The following PDE11A variants were observed in gnomAD, a reference collection of about 807,000 sequenced individuals.
PDE11A encodes dual 3',5'-cyclic-AMP and -GMP phosphodiesterase 11A.
Under a neutral mutation model 100.5 loss-of-function variants are expected in PDE11A, and 100 were observed. The observed-to-expected ratio is 1.00, with a 90% CI of 0.85 to 1.18. The LOEUF is 1.18. Ranked by LOEUF, PDE11A falls within the 50% of genes most tolerant of loss-of-function variation. The pLI is 0.00. For synonymous variants in PDE11A, 381 were observed against 420.8 expected, an observed-to-expected ratio of 0.91 and a Z score of 1.16; for missense variants, 1,141 against 1,152.6, an observed-to-expected ratio of 0.99 and a Z score of 0.15.
chr2:177,928,694 T>TA (rs1480225817), intron 2 of PDE11A, among the ~76,000 whole-genome samples: 1 of 152,150 alleles, frequency 6.6e-6, no homozygotes, highest in Admixed American at 6.5e-5. Context: ...GAGGACTGCT[T>TA]AAAAAAATTC....
intron 5 of PDE11A, among the ~76,000 whole-genome samples, chr2:177,853,938 G>C (rs555031782): frequency 6.8e-6 from 1 of 146,316 alleles, no homozygotes; most frequent in African/African-American, 2.5e-5. Context: ...ATATATGTGT[G>C]TATATATATC....
chr2:177,895,103 T>A (rs2084589281), intron 4 of PDE11A, among the ~76,000 whole-genome samples: 1 of 151,854 alleles, frequency 6.6e-6, no homozygotes, highest in Non-Finnish European at 1.5e-5. Context: ...CTTGCACATG[T>A]ATACTTGAAC....
chr2:177,686,334 A>G (rs1167397284), intron 15 of PDE11A, among the ~76,000 whole-genome samples: 1 of 152,190 alleles, frequency 6.6e-6, no homozygotes, highest in East Asian at 1.9e-4. Context: ...TGGGGGGCCA[A>G]GGGAGGAGGA....
At chr2:177,792,044 A>C (rs2082640180) in intron 9 of PDE11A, among the ~76,000 whole-genome samples, 1 of 152,230 alleles carries the variant, frequency 6.6e-6, no homozygotes, top group Non-Finnish European at 1.5e-5. Flanking sequence ...AGTGAGATTA[A>C]ATATGGCTCT....
At chr2:177,648,231 A>G (rs1459068504) in intron 19 of PDE11A, among the ~76,000 whole-genome samples, 1 of 152,174 alleles carries the variant, frequency 6.6e-6, no homozygotes, top group East Asian at 1.9e-4. Context: ...TTTGTCCTAG[A>G]AAGGGGCCAG....
chr2:177,655,165 G>A (rs2080362854), intron 19 of PDE11A, among the ~76,000 whole-genome samples: 1 of 152,036 alleles, frequency 6.6e-6, no homozygotes, highest in Admixed American at 6.5e-5. Flanking sequence ...TTGGATTCCA[G>A]CATTTTAATA....
chr2:177,885,513 AT>A lies in PDE11A; in HGVS notation c.1303-9591del, dbSNP rs960987216. ...TAATAGTTTGGGTAATCATCAGAGG[AT>A]TTTTTTTTAAATACTCTCCACTTTG... On this transcript the variant is annotated intron_variant, in intron 4 of 19. Transcript: ENST00000286063. Among the ~76,000 whole-genome samples, 25 of 151,848 alleles carry A rather than the reference AT, an allele frequency of 1.6e-4. 1 individual carries two copies. The highest frequency in any genetic ancestry group is 2.7e-4 in the African/African-American group (11 of 41,392).
intron 12 of PDE11A, among the ~76,000 whole-genome samples, chr2:177,715,805 CTG>C (rs2081428927): frequency 1.3e-5 from 2 of 152,140 alleles, no homozygotes; most frequent in South Asian, 2.1e-4. Flanking sequence ...CTTCTTTTCT[CTG>C]TGTTTGGTGG....
At chr2:177,866,461 T>G (rs1483803433) in intron 5 of PDE11A, among the ~76,000 whole-genome samples, 1 of 152,234 alleles carries the variant, frequency 6.6e-6, no homozygotes, top group Non-Finnish European at 1.5e-5. Context: ...TGTGGTCAAA[T>G]GCTCTCCCCA....
chr2:177,836,660 C>T (rs1198918837), intron 6 of PDE11A, among the ~76,000 whole-genome samples: 1 of 152,244 alleles, frequency 6.6e-6, no homozygotes, highest in South Asian at 2.1e-4. Flanking sequence ...GCTGCTCACT[C>T]TTTGGGTCTG....
At chr2:177,884,218 T>A (rs935245085) in intron 4 of PDE11A, among the ~76,000 whole-genome samples, 2 of 152,212 alleles carry the variant, frequency 1.3e-5, no homozygotes, top group African/African-American at 4.8e-5. Context: ...AATCTCCCTA[T>A]CACTGTTCCA....
intron 1 of PDE11A, among the ~76,000 whole-genome samples, chr2:178,058,401 G>A (rs1254655559): frequency 2.0e-5 from 3 of 152,196 alleles, no homozygotes; most frequent in Non-Finnish European, 4.4e-5. Context: ...TCATGATAGT[G>A]AATGAGTCTT....
chr2:177,685,606 A>G (rs2080934988), intron 15 of PDE11A, among the ~76,000 whole-genome samples: 1 of 151,778 alleles, frequency 6.6e-6, no homozygotes, highest in African/African-American at 2.4e-5. Flanking sequence ...CTGGAGTGCA[A>G]TGTCGCGATC....
intron 16 of PDE11A, among the ~76,000 whole-genome samples, chr2:177,676,399 G>T (rs2080773818): frequency 6.6e-6 from 1 of 152,202 alleles, no homozygotes; most frequent in Non-Finnish European, 1.5e-5. Context: ...AACTGCTTTT[G>T]GAAGAAAGGG....
chr2:177,653,066 GGGCATCCTGCAGGGAATT>G (rs1202305769), intron 19 of PDE11A, among the ~76,000 whole-genome samples: 1 of 152,184 alleles, frequency 6.6e-6, no homozygotes, highest in African/African-American at 2.4e-5. Context: ...TCCATTTTAA[GGGCATCCTGCAGGGAATT>G]GGTTCATCGA....
chr2:177,813,596 T>C (rs1489662686), intron 9 of PDE11A, among the ~76,000 whole-genome samples: 2 of 152,140 alleles, frequency 1.3e-5, no homozygotes, highest in Non-Finnish European at 2.9e-5. Context: ...GGATGTACCA[T>C]GGAGAGAAGT....
intron 2 of PDE11A, among the ~76,000 whole-genome samples, chr2:177,929,223 C>A (rs531315513): frequency 6.6e-6 from 1 of 152,120 alleles, no homozygotes; most frequent in South Asian, 2.1e-4. Flanking sequence ...TGTGCACCAG[C>A]CCACAGGGTG....
At chr2:177,854,597 G>A (rs1276099225) in intron 5 of PDE11A, among the ~76,000 whole-genome samples, 1 of 152,098 alleles carries the variant, frequency 6.6e-6, no homozygotes, top group East Asian at 1.9e-4. Flanking sequence ...CCTGAGAGAT[G>A]TGCTTAGGTC....
At chr2:177,674,130 C>T (rs1293842427) in intron 17 of PDE11A, among the ~76,000 whole-genome samples, 1 of 152,204 alleles carries the variant, frequency 6.6e-6, no homozygotes, top group Non-Finnish European at 1.5e-5. Context: ...AGAATGAAAG[C>T]TTTGGAGCCT....
Sources: gnomAD v4.1 joint callset for allele counts (sites outside exome capture counted in the v4.1 genomes callset) on GRCh38, gnomAD v4.1.1 for gene constraint, MANE v1.5 for transcripts, NCBI Gene and HGNC (gene_info 2026-07-23, HGNC 2026-07-21) for gene names.